LRP1B: variants seen among roughly 807,000 people sequenced by gnomAD.
LRP1B encodes the protein LDL receptor related protein 1B, also known as low-density lipoprotein receptor-related protein 1B.
LRP1B carries 217 observed loss-of-function variants against 556.6 expected under a neutral mutation model. The ratio of observed to expected loss-of-function variants is 0.39; its 90% CI spans 0.35 to 0.44. The LOEUF is 0.44. LRP1B is among the 20% of genes least tolerant of loss of function. The pLI, the probability that LRP1B is intolerant of heterozygous loss-of-function variation, is 1.00. For missense variants in LRP1B, 5,053 were observed against 5,620.8 expected (o/e 0.90, Z 3.23); for synonymous variants, 2,047 against 1,865.8 (o/e 1.10, Z -2.50).
chr2:141,707,874 G>A (rs780444132), intron 2 of LRP1B, among the ~76,000 whole-genome samples: 14 of 152,164 alleles, frequency 9.2e-5, no homozygotes, highest in Admixed American at 3.9e-4. Flanking sequence ...GATAGGCATT[G>A]TTCTAGGTGT....
At chr2:141,100,869 T>C (rs545667862) in intron 7 of LRP1B, among the ~76,000 whole-genome samples, 86 of 152,148 alleles carry the variant, frequency 5.7e-4, no homozygotes, top group African/African-American at 1.6e-3. Flanking sequence ...ATAGTATGCC[T>C]GGAAAAACAA....
At chr2:141,195,686 T>G (rs1176652231) in intron 6 of LRP1B, among the ~76,000 whole-genome samples, 1 of 152,072 alleles carries the variant, frequency 6.6e-6, no homozygotes, top group Non-Finnish European at 1.5e-5. Flanking sequence ...TAAATGCTCA[T>G]AAATGAACCC....
intron 35 of LRP1B, among the ~76,000 whole-genome samples, chr2:140,727,208 GCTTAGTA>G: frequency 6.6e-6 from 1 of 152,188 alleles, no homozygotes; most frequent in Middle Eastern, 3.4e-3. Flanking sequence ...AAAAGGAAAG[GCTTAGTA>G]CTACTGATGA....
intron 23 of LRP1B, among the ~76,000 whole-genome samples, chr2:140,900,745 G>A (rs1473868148): frequency 1.3e-5 from 2 of 151,640 alleles, no homozygotes; most frequent in East Asian, 3.9e-4. Flanking sequence ...AGATATCTAA[G>A]AATATAAAAC....
rs1695887727 is a variant in LRP1B at position 141,798,286 on chromosome 2, C to T, written c.205+11993G>A. 1.3e-5 allele frequency among the ~76,000 whole-genome samples: 2 copies of T among 152,236 alleles called. 1 individual carries two copies. Among genetic ancestry groups the T allele is most frequent in the South Asian group, 4.1e-4 (2 of 4,822 alleles). ...AAATCCAGTGTATACAGGTGTTTAT[C>T]ATACTATTCTTCTGATTTTTCTGTC... On this transcript the variant is annotated intron_variant, in intron 2 of 90. Coordinates refer to ENST00000389484, the MANE Select transcript of LRP1B (RefSeq NM_018557.3).
chr2:140,234,870 C>A lies in LRP1B; in HGVS notation c.13575G>T (p.Gly4525=), dbSNP rs368243640. ...GAAGCTTGAAAGCACTGGGTCCTCCCCCTATGTACCTGGCCTGTATATAAA... is the reference window on the plus strand; with the variant it reads ...GAAGCTTGAAAGCACTGGGTCCTCCACCTATGTACCTGGCCTGTATATAAA... ...MIDPTKARYI[G]GGPSAFKLPH... Residue 4525 remains glycine, a synonymous_variant, in exon 90 of 91, where the codon GGG becomes GGT. Transcript: ENST00000389484. The A allele has an allele frequency of 1.3e-6, 1 of 775,076 alleles. No homozygotes were observed. Among genetic ancestry groups the A allele is most frequent in the East Asian group, 2.4e-5 (1 of 40,916 alleles). The allele number at this position is 775,076 out of a possible 1,614,324, so 48.0% of individuals were successfully genotyped here.
chr2:140,281,375 C>T (rs1245314215), intron 84 of LRP1B, among the ~76,000 whole-genome samples: 2 of 151,736 alleles, frequency 1.3e-5, no homozygotes, highest in African/African-American at 4.8e-5. Flanking sequence ...GGGCTATTCA[C>T]ATTGTAATAA....
chr2:141,542,951 A>C (rs1160819636), intron 2 of LRP1B, among the ~76,000 whole-genome samples: 1 of 152,188 alleles, frequency 6.6e-6, no homozygotes. Flanking sequence ...ATGTACTGAT[A>C]GCAGAAGATT....
At chr2:140,799,310 T>C (rs1160900658) in intron 32 of LRP1B, among the ~76,000 whole-genome samples, 2 of 152,058 alleles carry the variant, frequency 1.3e-5, no homozygotes, top group Non-Finnish European at 2.9e-5. Context: ...ATGGGATTAG[T>C]AGAGACACCA....
At chr2:141,478,176 T>G (rs62166338) in intron 3 of LRP1B, among the ~76,000 whole-genome samples, 77,871 of 151,974 alleles carry the variant, frequency 0.51, 20,178 homozygotes, top group Non-Finnish European at 0.55. Flanking sequence ...TGAATCCCCT[T>G]TTATGCTATT....
At chr2:141,234,361 ATTTATTT>A (rs971969551) in intron 5 of LRP1B, among the ~76,000 whole-genome samples, 15 of 151,998 alleles carry the variant, frequency 9.9e-5, no homozygotes, top group East Asian at 1.9e-4. Context: ...AAGGGCAATT[ATTTATTT>A]TTTATTTTTT....
At chr2:140,349,907 T>C (rs1681879561) in intron 77 of LRP1B, among the ~76,000 whole-genome samples, 1 of 152,246 alleles carries the variant, frequency 6.6e-6, no homozygotes, top group East Asian at 1.9e-4. Flanking sequence ...TGCCATCTAC[T>C]GCTGATAAAG....
intron 2 of LRP1B, among the ~76,000 whole-genome samples, chr2:141,668,923 G>A (rs921062796): frequency 2.0e-5 from 3 of 152,038 alleles, no homozygotes; most frequent in African/African-American, 7.2e-5. Flanking sequence ...ATCTCATAAG[G>A]GGTTTGAGCA....
intron 1 of LRP1B, among the ~76,000 whole-genome samples, chr2:141,856,621 T>C (rs568495393): frequency 3.9e-5 from 6 of 152,196 alleles, no homozygotes; most frequent in Non-Finnish European, 8.8e-5. Flanking sequence ...AGGTTTCTTT[T>C]CTTGCATTTT....
chr2:140,986,965 G>C (rs1696945015), intron 17 of LRP1B, among the ~76,000 whole-genome samples: 2 of 152,142 alleles, frequency 1.3e-5, no homozygotes, highest in African/African-American at 4.8e-5. Context: ...CCATTGGAAA[G>C]TCTTTTTATC....
intron 3 of LRP1B, among the ~76,000 whole-genome samples, chr2:141,472,517 G>C (rs1388571451): frequency 6.6e-6 from 1 of 152,080 alleles, no homozygotes. Flanking sequence ...TCCAGCCTGG[G>C]TGACAAGAGC....
chr2:140,281,525 C>G (rs1682912433), intron 84 of LRP1B, among the ~76,000 whole-genome samples: 1 of 151,732 alleles, frequency 6.6e-6, no homozygotes, highest in Non-Finnish European at 1.5e-5. Flanking sequence ...ATAGGAGAAA[C>G]TATATGAGAA....
At chr2:141,377,364 T>C (rs1025712665) in intron 3 of LRP1B, among the ~76,000 whole-genome samples, 7 of 152,216 alleles carry the variant, frequency 4.6e-5, no homozygotes, top group African/African-American at 1.7e-4. Context: ...TTGTGTTTTT[T>C]CTTTTTTTAC....
chr2:141,519,359 T>TTATATATATA (rs1559118033), intron 2 of LRP1B, among the ~76,000 whole-genome samples: 22 of 57,326 alleles, frequency 3.8e-4, no homozygotes, highest in African/African-American at 1.3e-3. Flanking sequence ...CTTAAGTCAA[T>TTATATATATA]GATATATATA....
Sources: allele counts gnomAD v4.1 joint callset (sites outside exome capture counted in the v4.1 genomes callset), GRCh38; gene constraint gnomAD v4.1.1; transcripts MANE v1.5; gene names NCBI Gene and HGNC (gene_info 2026-07-23, HGNC 2026-07-21).